PPP2R2B: variants seen among roughly 807,000 people sequenced by gnomAD.
PPP2R2B encodes the protein protein phosphatase 2 regulatory subunit Bbeta.
Under a neutral mutation model 46.0 loss-of-function variants are expected in PPP2R2B, and 5 were observed. That is an observed-to-expected ratio of 0.11 (90% CI 0.06 to 0.23). PPP2R2B has a LOEUF of 0.23. Ranked by LOEUF, PPP2R2B falls within the 10% of genes least tolerant of loss-of-function variation. The pLI is 1.00. For missense variants in PPP2R2B, 367 were observed against 575.0 expected (o/e 0.64, Z 3.70); for synonymous variants, 215 against 206.7 (o/e 1.04, Z -0.34).
At chr5:146,765,365 A>T (rs995059996) in intron 2 of PPP2R2B, among the ~76,000 whole-genome samples, 1 of 152,192 alleles carries the variant, frequency 6.6e-6, no homozygotes, top group Non-Finnish European at 1.5e-5. Flanking sequence ...AAAGTTTCAT[A>T]AGGGCTTTAA....
intron 1 of PPP2R2B, among the ~76,000 whole-genome samples, chr5:146,913,141 T>G (rs1159093537): frequency 1.3e-5 from 2 of 152,204 alleles, no homozygotes; most frequent in African/African-American, 4.8e-5. Flanking sequence ...GAGTTTATAT[T>G]CGGCGGAAAT....
At chr5:146,781,534 A>G (rs1288212438) in intron 2 of PPP2R2B, among the ~76,000 whole-genome samples, 1 of 151,986 alleles carries the variant, frequency 6.6e-6, no homozygotes, top group Non-Finnish European at 1.5e-5. Context: ...TTCAAATCTC[A>G]TCTAAATTCC....
At chr5:146,845,091 G>A (rs1047774519) in intron 2 of PPP2R2B, among the ~76,000 whole-genome samples, 5 of 152,060 alleles carry the variant, frequency 3.3e-5, no homozygotes, top group African/African-American at 1.2e-4. Context: ...TTGCATATGC[G>A]ACAAGCCTCA....
chr5:146,881,881 G>C (rs965486316), upstream of PPP2R2B, among the ~76,000 whole-genome samples: 3 of 152,142 alleles, frequency 2.0e-5, no homozygotes, highest in African/African-American at 7.2e-5. Context: ...TCTGTTGTGA[G>C]CTGGAAATTT....
At chr5:146,649,426 T>TA (rs1177557596) in intron 6 of PPP2R2B, among the ~76,000 whole-genome samples, 1 of 151,694 alleles carries the variant, frequency 6.6e-6, no homozygotes, top group Non-Finnish European at 1.5e-5. Flanking sequence ...TTTTTTTTTT[T>TA]ACCTTTCTAT....
chr5:146,862,228 A>C (rs2151394774), intron 2 of PPP2R2B, among the ~76,000 whole-genome samples: 1 of 152,312 alleles, frequency 6.6e-6, no homozygotes, highest in South Asian at 2.1e-4. Flanking sequence ...AGAATATGTA[A>C]CTGGCTGCTC....
At chr5:147,070,553 C>A (rs1384595102) in intron 2 of PPP2R2B, among the ~76,000 whole-genome samples, 1 of 152,150 alleles carries the variant, frequency 6.6e-6, no homozygotes, top group Non-Finnish European at 1.5e-5. Flanking sequence ...GGCAAATGCT[C>A]TTCTCACACA....
chr5:146,605,002 A>G (rs1486549614), intron 7 of PPP2R2B, among the ~76,000 whole-genome samples: 1 of 151,868 alleles, frequency 6.6e-6, no homozygotes, highest in Non-Finnish European at 1.5e-5. Flanking sequence ...AGAACATCAG[A>G]CTCAGGGATG....
chr5:146,740,733 ATAT>A (rs1752824823), intron 2 of PPP2R2B, among the ~76,000 whole-genome samples: 1 of 152,104 alleles, frequency 6.6e-6, no homozygotes. Flanking sequence ...CACAATGAGC[ATAT>A]TTTTTCACAG....
chr5:146,609,966 C>A (rs1396052089), intron 7 of PPP2R2B, among the ~76,000 whole-genome samples: 1 of 143,894 alleles, frequency 6.9e-6, no homozygotes, highest in African/African-American at 2.8e-5. Flanking sequence ...ACAAAGCAGC[C>A]GGGAAGCTCG....
At chr5:146,678,104 A>G (rs565498576) in intron 5 of PPP2R2B, among the ~76,000 whole-genome samples, 30 of 152,308 alleles carry the variant, frequency 2.0e-4, no homozygotes, top group African/African-American at 7.0e-4. Context: ...GAGGCCAGGT[A>G]ACATGGTGGT....
chr5:146,796,114 A>T, intron 2 of PPP2R2B, among the ~76,000 whole-genome samples: 1 of 152,158 alleles, frequency 6.6e-6, no homozygotes, highest in East Asian at 1.9e-4. Context: ...TGGTACACCA[A>T]CAGAAAACAC....
At chr5:146,732,683 T>G (rs927398462) in intron 2 of PPP2R2B, among the ~76,000 whole-genome samples, 2 of 152,208 alleles carry the variant, frequency 1.3e-5, no homozygotes, top group Non-Finnish European at 2.9e-5. Flanking sequence ...ATTTATTGTA[T>G]GTAAAAAGCT....
chr5:146,939,641 T>C (rs1257243236), intron 1 of PPP2R2B, among the ~76,000 whole-genome samples: 1 of 152,224 alleles, frequency 6.6e-6, no homozygotes, highest in Non-Finnish European at 1.5e-5. Flanking sequence ...CTGGACCTCC[T>C]GCTTCATAGA....
intron 1 of PPP2R2B, among the ~76,000 whole-genome samples, chr5:146,960,990 C>T (rs932724507): frequency 4.6e-5 from 7 of 152,108 alleles, no homozygotes; most frequent in African/African-American, 1.7e-4. Flanking sequence ...GTCAACCAGG[C>T]TTAACATTTT....
chr5:146,931,967 G>A lies in PPP2R2B; in HGVS notation c.79+123698C>T, dbSNP rs376057252. Among the ~76,000 whole-genome samples, 17 of 152,226 alleles carry A rather than the reference G, an allele frequency of 1.1e-4. No individual in the cohort carries two copies. In the South Asian group the frequency reaches 3.5e-3, roughly 32 times the overall value. On this transcript the variant is annotated intron_variant, in intron 1 of 8. Coordinates refer to the PPP2R2B transcript ENST00000336640. ...AGTGAATGGATTCCCCCAACCTCCA[G>A]CAGCATATCCATGTCTGGTCATCAG...
intron 2 of PPP2R2B, among the ~76,000 whole-genome samples, chr5:146,807,418 A>T (rs1427659956): frequency 1.3e-5 from 2 of 152,204 alleles, no homozygotes; most frequent in Non-Finnish European, 2.9e-5. Flanking sequence ...TTTCTCTCTG[A>T]TCACAAAGCT....
chr5:146,877,218 A>AG (rs1761946138), intron 2 of PPP2R2B, among the ~76,000 whole-genome samples: 1 of 152,190 alleles, frequency 6.6e-6, no homozygotes, highest in African/African-American at 2.4e-5. Context: ...CTGCCCGCAC[A>AG]GCACTAGTGC....
At chr5:146,851,344 A>C (rs1760339343) in intron 2 of PPP2R2B, among the ~76,000 whole-genome samples, 1 of 152,196 alleles carries the variant, frequency 6.6e-6, no homozygotes, top group Non-Finnish European at 1.5e-5. Context: ...TGGGATACAC[A>C]CTAGGCAAGA....
Sources: allele counts gnomAD v4.1 joint callset (sites outside exome capture counted in the v4.1 genomes callset), GRCh38; gene constraint gnomAD v4.1.1; transcripts MANE v1.5; gene names NCBI Gene and HGNC (gene_info 2026-07-23, HGNC 2026-07-21).